The following MYT1L variants were observed in gnomAD, a reference collection of about 807,000 sequenced individuals.
MYT1L encodes the protein myelin transcription factor 1-like protein.
Under a neutral mutation model 126.7 loss-of-function variants are expected in MYT1L, and 12 were observed. The observed-to-expected ratio is 0.09, with a 90% CI of 0.06 to 0.15. MYT1L has a LOEUF of 0.15. Among genes scored for constraint, MYT1L ranks in the 10% least tolerant of loss-of-function variants. MYT1L has a pLI of 1.00. For synonymous variants in MYT1L, 541 were observed against 604.2 expected, an observed-to-expected ratio of 0.90 and a Z score of 1.53; for missense variants, 979 against 1,585.2, an observed-to-expected ratio of 0.62 and a Z score of 6.49.
At chr2:1,819,457 G>A (rs1480004936) in intron 21 of MYT1L, among the ~76,000 whole-genome samples, 3 of 152,172 alleles carry the variant, frequency 2.0e-5, no homozygotes, top group African/African-American at 7.2e-5. Context: ...GAATCGAGAC[G>A]CAGAACAGCT....
At chr2:1,905,661 GT>G (rs1219801547) in intron 13 of MYT1L, among the ~76,000 whole-genome samples, 1 of 152,202 alleles carries the variant, frequency 6.6e-6, no homozygotes, top group African/African-American at 2.4e-5. Flanking sequence ...GAGGAAGACA[GT>G]AATTTTTGAG....
intron 3 of MYT1L, among the ~76,000 whole-genome samples, chr2:2,162,879 T>C (rs2148446171): frequency 6.6e-6 from 1 of 152,318 alleles, no homozygotes; most frequent in Middle Eastern, 3.4e-3. Flanking sequence ...GACTTCTACT[T>C]TTATCAGTGC....
intron 4 of MYT1L, among the ~76,000 whole-genome samples, chr2:2,004,544 TGC>T: frequency 6.7e-6 from 1 of 148,596 alleles, no homozygotes; most frequent in Non-Finnish European, 1.5e-5. Context: ...CTTTCCTGCA[TGC>T]GTTCTTTCCT....
At chr2:1,981,824 T>C (rs1255936115) in intron 5 of MYT1L, among the ~76,000 whole-genome samples, 1 of 152,216 alleles carries the variant, frequency 6.6e-6, no homozygotes, top group Non-Finnish European at 1.5e-5. Flanking sequence ...AGAAAGGGCT[T>C]GGGCAGTGGC....
chr2:1,997,466 A>T (rs1313609019), intron 4 of MYT1L, 119 bp from the exon 5 acceptor site: 1 of 152,466 alleles, frequency 6.6e-6, no homozygotes, highest in African/African-American at 2.4e-5. Flanking sequence ...TTCCTCCAGG[A>T]ACCAAATGTT....
intron 3 of MYT1L, among the ~76,000 whole-genome samples, chr2:2,140,974 A>T (rs1306902516): frequency 6.6e-6 from 1 of 152,238 alleles, no homozygotes. Flanking sequence ...CTATATAATC[A>T]TAGAAATTTC....
chr2:2,230,287 A>C lies in MYT1L; in HGVS notation c.-421+54117T>G, dbSNP rs114287883. Among the ~76,000 whole-genome samples, 278 of 152,348 alleles carry C rather than the reference A, an allele frequency of 1.8e-3. 1 individual carries two copies. Among genetic ancestry groups the C allele is most frequent in the African/African-American group, 6.3e-3 (260 of 41,586 alleles). On this transcript the variant is annotated intron_variant, in intron 2 of 24. Coordinates refer to ENST00000647738, the MANE Select transcript of MYT1L (RefSeq NM_001303052.2). ...AACCTACAAAGTGCTCGGTGAACTC[A>C]TCCCTCAGCTGCAGCGTCTGTTTCC...
intron 3 of MYT1L, among the ~76,000 whole-genome samples, chr2:2,103,351 C>G (rs1403751297): frequency 2.0e-5 from 3 of 152,198 alleles, no homozygotes; most frequent in Admixed American, 2.0e-4. Flanking sequence ...GAGAGCTGTG[C>G]AGCAGGACCA....
chr2:1,818,150 C>T (rs917535872), intron 21 of MYT1L, among the ~76,000 whole-genome samples: 5 of 152,124 alleles, frequency 3.3e-5, no homozygotes, highest in African/African-American at 1.2e-4. Flanking sequence ...TTGGAAATAA[C>T]TAAATAAGTG....
Position 1,960,477 on chromosome 2 carries a change from A to G in MYT1L, c.153-17143T>C, listed in dbSNP as rs150953161. On this transcript the variant is annotated intron_variant, in intron 8 of 24. Coordinates refer to ENST00000647738, the MANE Select transcript of MYT1L (RefSeq NM_001303052.2). ...AGTTTGAAATTTTTGTGTCCAAGCCATTTATTAAATTAAAGTCAACGTGCT... is the reference window on the plus strand; with the variant it reads ...AGTTTGAAATTTTTGTGTCCAAGCCGTTTATTAAATTAAAGTCAACGTGCT... Among the ~76,000 whole-genome samples the G allele has an allele frequency of 1.6e-4, 25 of 152,344 alleles. 1 individual carries two copies. In the East Asian group the frequency reaches 4.8e-3, roughly 29 times the overall value.
At chr2:1,906,463 G>A (rs1001694065) in intron 13 of MYT1L, among the ~76,000 whole-genome samples, 1 of 152,026 alleles carries the variant, frequency 6.6e-6, no homozygotes, top group African/African-American at 2.4e-5. Flanking sequence ...ATTTATATTG[G>A]TTTTGGTGCA....
intron 4 of MYT1L, among the ~76,000 whole-genome samples, chr2:2,041,995 G>T (rs575614769): frequency 9.8e-5 from 15 of 152,318 alleles, no homozygotes; most frequent in Middle Eastern, 3.4e-3. Flanking sequence ...GCTAATCTTA[G>T]AAGTAGAGTT....
At position 1,883,502 on chromosome 2, in the gene MYT1L, T is replaced by C. The variant is rs545021756; in HGVS notation, c.2711+3037A>G. 2.0e-5 allele frequency among the ~76,000 whole-genome samples: 3 copies of C among 152,342 alleles called. No homozygotes were observed. In the East Asian group the frequency reaches 5.8e-4, roughly 29 times the overall value. On this transcript the variant is annotated intron_variant, in intron 18 of 24. Transcript: ENST00000647738. Reference sequence around the variant, plus strand: ...AAATGAAATGTCACGAGAAGAAACTTTTCTGAGAATCAGAGCTCATGGTGG... The same window carrying C: ...AAATGAAATGTCACGAGAAGAAACTCTTCTGAGAATCAGAGCTCATGGTGG...
chr2:2,230,415 T>C (rs1251021383), intron 2 of MYT1L, among the ~76,000 whole-genome samples: 1 of 152,260 alleles, frequency 6.6e-6, no homozygotes, highest in Non-Finnish European at 1.5e-5. Flanking sequence ...ATGTGACGCC[T>C]GTTCCCTGTG....
chr2:2,099,820 G>A, intron 3 of MYT1L, among the ~76,000 whole-genome samples: 1 of 152,290 alleles, frequency 6.6e-6, no homozygotes, highest in Non-Finnish European at 1.5e-5. Flanking sequence ...TCACAGAATC[G>A]CATTAAGACT....
chr2:2,133,240 A>G (rs933687991), intron 3 of MYT1L, among the ~76,000 whole-genome samples: 4 of 152,216 alleles, frequency 2.6e-5, no homozygotes, highest in African/African-American at 9.6e-5. Flanking sequence ...ATACAGGCAC[A>G]AAAACCAAGA....
chr2:2,109,797 T>C (rs534893763), intron 3 of MYT1L, among the ~76,000 whole-genome samples: 265 of 146,034 alleles, frequency 1.8e-3, no homozygotes, highest in Non-Finnish European at 3.4e-3. Flanking sequence ...CACACACACA[T>C]GCACATGCAC....
chr2:1,984,659 G>A (rs907439801), intron 5 of MYT1L, among the ~76,000 whole-genome samples: 11 of 151,636 alleles, frequency 7.3e-5, no homozygotes, highest in Non-Finnish European at 1.5e-4. Context: ...ACAGGCGCCC[G>A]CCACCATGCC....
At chr2:2,005,087 C>CATTCTTTCCT (rs1558705904) in intron 4 of MYT1L, among the ~76,000 whole-genome samples, 2 of 148,402 alleles carry the variant, frequency 1.3e-5, no homozygotes, top group Non-Finnish European at 3.0e-5. Context: ...TTCCTGCAGG[C>CATTCTTTCCT]GTTCTTTCCT....
Sources: allele counts gnomAD v4.1 joint callset (sites outside exome capture counted in the v4.1 genomes callset), GRCh38; gene constraint gnomAD v4.1.1; transcripts MANE v1.5; gene names NCBI Gene and HGNC (gene_info 2026-07-23, HGNC 2026-07-21).